TMEM176A: variants seen among roughly 807,000 people sequenced by gnomAD.
The protein encoded by TMEM176A is hepatocellular carcinoma-associated antigen 112.
TMEM176A carries 20 observed loss-of-function variants against 27.9 expected under a neutral mutation model. The ratio of observed to expected loss-of-function variants is 0.72; its 90% confidence interval spans 0.50 to 1.04. TMEM176A has a LOEUF of 1.04. Among genes scored for constraint, TMEM176A ranks in the 50% least tolerant of loss-of-function variants. The pLI is 0.00. For synonymous variants in TMEM176A, 125 were observed against 118.0 expected (o/e 1.06, Z -0.38); for missense variants, 252 against 289.1 (o/e 0.87, Z 0.93).
chr7:150,804,508 C>T (rs764781126), intron 6 of TMEM176A, 36 bp downstream of exon 6: 1 of 1,554,528 alleles, frequency 6.4e-7, no homozygotes, highest in South Asian at 1.1e-5. Context: ...GTATTTGGGG[C>T]AGTGGAACTG....
chr7:150,803,400 G>A lies in TMEM176A; in HGVS notation c.286G>A (p.Ala96Thr), dbSNP rs760817519. The A allele has an allele frequency of 7.0e-6, 11 of 1,578,302 alleles. No individual in the cohort carries two copies. Among genetic ancestry groups the A allele is most frequent in the Non-Finnish European group, 9.4e-6 (11 of 1,165,246 alleles). The change falls in exon 4 of 7, where the codon GCT (alanine) becomes ACT (threonine). Residue 96 changes from alanine (A) to threonine (T), a missense_variant and splice_region_variant. Coordinates refer to ENST00000004103, the MANE Select transcript of TMEM176A (RefSeq NM_018487.3). ...SGAAIWTGAVAVLAGAAAFIY... is the reference protein window; with the variant it reads ...SGAAIWTGAVTVLAGAAAFIY... ...TGCTCCTGGCTCAATCTCTCCCCAGGCTGTGCTGGCTGGAGCTGCTGCCTT... is the reference window on the plus strand; with the variant it reads ...TGCTCCTGGCTCAATCTCTCCCCAGACTGTGCTGGCTGGAGCTGCTGCCTT...
At chr7:150,801,827 G>A (rs2116733276) in intron 2 of TMEM176A, 103 bp downstream of exon 2, 1 of 1,143,090 alleles carries the variant, frequency 8.7e-7, no homozygotes, top group East Asian at 2.6e-5. Flanking sequence ...CACCGAGCCA[G>A]TTATGTCTTC....
Position 150,805,040 on chromosome 7 carries a change from A to G in TMEM176A, c.*172A>G, listed in dbSNP as rs1798893678. On this transcript the variant is annotated 3_prime_UTR_variant, in exon 7 of 7. Transcript: ENST00000004103. ...CCAGCAGCACTTGCCCATTCCTTAC[A>G]CCCCTTCCCCATCCTGCTCCGCTTC... 3 of 658,822 alleles carry G rather than the reference A, an allele frequency of 4.6e-6. No homozygotes were observed. Among genetic ancestry groups the G allele is most frequent in the Non-Finnish European group, 8.1e-6 (3 of 370,306 alleles). 40.8% of individuals were successfully genotyped at this position (658,822 alleles called of 1,614,324 possible). A position where few individuals can be genotyped will look rare whatever the true frequency, so the allele number is the denominator to read the frequency against.
At chr7:150,801,868 C>G in intron 2 of TMEM176A, 144 bp downstream of exon 2, 1 of 889,702 alleles carries the variant, frequency 1.1e-6, no homozygotes, top group Non-Finnish European at 1.7e-6. Flanking sequence ...CTGGCCTTCT[C>G]AGTAAGAGCC....
Position 150,802,271 on chromosome 7 carries a change from C to T in TMEM176A, c.231C>T (p.Ile77=), listed in dbSNP as rs772896036. 209 of 1,614,008 alleles carry T rather than the reference C, an allele frequency of 1.3e-4. 3 individuals are homozygous for T. The South Asian group carries it at 2.0e-3, about 15-fold the overall frequency. The stretch of plus-strand genomic sequence containing the variant: ...CAGTCCTAGGAGGATTTTTCTACAT[C>T]CGCGACTACACCCTCCTCGTCACCT... ...LSAVLGGFFY[I]RDYTLLVTSG... The change falls in exon 3 of 7, where the codon ATC becomes ATT. Residue 77 remains isoleucine (I), a synonymous_variant. Coordinates refer to ENST00000004103, the MANE Select transcript of TMEM176A (RefSeq NM_018487.3).
intron 2 of TMEM176A, 91 bp from the exon 3 acceptor site, chr7:150,802,124 A>ACCTCTC: frequency 1.2e-6 from 1 of 860,544 alleles, no homozygotes; most frequent in South Asian, 1.4e-5. Context: ...CTCTCTCTCT[A>ACCTCTC]CCTCTCCCTC....
rs1352807988 is a variant in TMEM176A, at chr7:150,801,634, C to T, written c.84C>T (p.Ala28=). 23 of 1,613,342 alleles carry T rather than the reference C, an allele frequency of 1.4e-5. No homozygotes were observed. In the Admixed American group the frequency reaches 3.7e-4, roughly 26 times the overall value. Residue 28 remains alanine, a synonymous_variant, in exon 2 of 7, where the codon GCC becomes GCT. Coordinates refer to ENST00000004103, the MANE Select transcript of TMEM176A (RefSeq NM_018487.3). ...ATGTGCACATCCACCAGGAGTCTGC[C>T]CTGGCCAAGCTCCTGCTCACCTGCT... ...HIDVHIHQES[A]LAKLLLTCCS... is the part of the protein sequence containing the mutation.
At chr7:150,801,781 C>T in intron 2 of TMEM176A, 57 bp downstream of exon 2, 2 of 1,416,098 alleles carry the variant, frequency 1.4e-6, no homozygotes, top group Non-Finnish European at 1.9e-6. Flanking sequence ...CCTCCAGCCG[C>T]AGCAGCACTC....
Position 150,801,583 on chromosome 7 carries a change from G to C in TMEM176A, c.33G>C (p.Pro11=). 1.2e-6 allele frequency: 2 copies of C among 1,610,490 alleles called. No individual in the cohort carries two copies. Among genetic ancestry groups the C allele is most frequent in the Non-Finnish European group, 1.7e-6 (2 of 1,178,990 alleles). Residue 11 remains proline, a synonymous_variant, in exon 2 of 7, where the codon CCG becomes CCC. Transcript: ENST00000004103. The part of the protein sequence containing the change: MGTADSDEMA[P]EAPQHTHIDV... The stretch of plus-strand genomic sequence containing the variant: ...CAGCCGACAGTGATGAGATGGCCCC[G>C]GAGGCCCCACAGCACACCCACATCG...
At chr7:150,802,086 C>CTTCTCTTCTG in intron 2 of TMEM176A, 129 bp from the exon 3 acceptor site, 1 of 673,742 alleles carries the variant, frequency 1.5e-6, no homozygotes. Flanking sequence ...TTTCTCTTCT[C>CTTCTCTTCTG]TTCTCTTCTC....
In TMEM176A at chr7:150,805,013, C is replaced by A; in HGVS notation, c.*145C>A. On this transcript the variant is annotated 3_prime_UTR_variant, in exon 7 of 7. Transcript: ENST00000004103. ...CCCCATGACCGTGGCCACAGCCCTG[C>A]TCCAGCAGCACTTGCCCATTCCTTA... 1.2e-6 allele frequency: 1 copy of A among 800,924 alleles called. No homozygotes were observed. The highest frequency in any genetic ancestry group is 2.1e-6 in the Non-Finnish European group (1 of 472,134). The allele number at this position is 800,924 out of a possible 1,614,324, so 49.6% of individuals were successfully genotyped here.
At position 150,804,430 on chromosome 7, in the gene TMEM176A, C is replaced by T. The variant is rs372065353; in HGVS notation, c.624C>T (p.Thr208=). The T allele has an allele frequency of 1.7e-4, 275 of 1,613,998 alleles. No individual in the cohort carries two copies. The highest frequency in any genetic ancestry group is 2.2e-4 in the Non-Finnish European group (261 of 1,180,002). The change falls in exon 6 of 7, where the codon ACC becomes ACT. Residue 208 remains threonine, a synonymous_variant. Transcript: ENST00000004103. The stretch of plus-strand genomic sequence containing the variant: ...TTCTGCTGCTTCTGGCATCTCTGAC[C>T]CCTCTGTGGCTGTACTGCTGGAGAA... ...VWILLLLASL[T]PLWLYCWRMF...
At chr7:150,803,258 T>G in intron 3 of TMEM176A, 142 bp from the exon 4 acceptor site, 1 of 1,386,198 alleles carries the variant, frequency 7.2e-7, no homozygotes, top group Non-Finnish European at 9.4e-7. Context: ...TCTCAGCAAT[T>G]ATCTTACCAT....
chr7:150,801,666 C>A lies in TMEM176A; in HGVS notation c.116C>A (p.Ala39Glu). ...AAGCTCCTGCTCACCTGCTGCTCTG[C>A]GCTGCGGCCCCGGGCCACCCAGGCC... ...LAKLLLTCCSALRPRATQARG... is the reference protein window; with the variant it reads ...LAKLLLTCCSELRPRATQARG... Residue 39 changes from alanine to glutamate, a missense_variant, in exon 2 of 7, where the codon GCG becomes GAG. By Grantham distance (107) the Ala-to-Glu change is moderately radical. Coordinates refer to ENST00000004103, the MANE Select transcript of TMEM176A (RefSeq NM_018487.3). The A allele has an allele frequency of 1.2e-6, 2 of 1,610,656 alleles. No individual in the cohort carries two copies. Among genetic ancestry groups the A allele is most frequent in the Non-Finnish European group, 1.7e-6 (2 of 1,179,014 alleles).
At chr7:150,802,669 C>A (rs1798838918) in intron 3 of TMEM176A, 3 of 1,044,960 alleles carry the variant, frequency 2.9e-6, no homozygotes, top group African/African-American at 1.7e-5. Context: ...AGTATGTGGT[C>A]CCCCAGGAAG....
At chr7:150,803,296 C>A in intron 3 of TMEM176A, 104 bp from the exon 4 acceptor site, 1 of 1,449,746 alleles carries the variant, frequency 6.9e-7, no homozygotes, top group African/African-American at 1.4e-5. Context: ...ATGAAACCTC[C>A]CGCCCAAGCT....
rs1440450131 is a variant in TMEM176A at position 150,803,626 on chromosome 7, C to A, written c.349C>A (p.Leu117Met). Residue 117 changes from leucine (L) to methionine (M), a missense_variant, in exon 5 of 7, where the codon CTG becomes ATG. Transcript: ENST00000004103. ...CTGCCTCCTCCCTCCCCAGGCCCTG[C>A]TGAGGACTCTGCTAACGCTGGCAGC... is the stretch of plus-strand genomic sequence containing the variant. ...EKRGGTYWALLRTLLTLAAFS... is the reference protein window; with the variant it reads ...EKRGGTYWALMRTLLTLAAFS... 6.2e-7 allele frequency: 1 copy of A among 1,613,970 alleles called. No homozygotes were observed. The highest frequency in any genetic ancestry group is 2.2e-5 in the East Asian group (1 of 44,882).
At chr7:150,803,883 G>A in intron 5 of TMEM176A, 51 bp downstream of exon 5, 1 of 1,571,438 alleles carries the variant, frequency 6.4e-7, no homozygotes, top group Non-Finnish European at 8.7e-7. Context: ...GGATGGCCAG[G>A]CCAGGCCAGG....
Position 150,802,253 on chromosome 7 carries a change from A to G in TMEM176A, c.213A>G (p.Leu71=), listed in dbSNP as rs1237938699. 17 of 1,612,980 alleles carry G rather than the reference A, an allele frequency of 1.1e-5. No homozygotes were observed. The Admixed American group carries it at 2.8e-4, about 27-fold the overall frequency. The change falls in exon 3 of 7, where the codon CTA becomes CTG. Residue 71 remains leucine (L), a synonymous_variant. Coordinates refer to ENST00000004103, the MANE Select transcript of TMEM176A (RefSeq NM_018487.3). ...QIVLGILSAV[L]GGFFYIRDYT... ...TGCTGGGGATCTTGAGTGCAGTCCT[A>G]GGAGGATTTTTCTACATCCGCGACT...
Sources: allele counts gnomAD v4.1 joint callset, GRCh38; gene constraint gnomAD v4.1.1; transcripts MANE v1.5; gene names NCBI Gene and HGNC (gene_info 2026-07-23, HGNC 2026-07-21).